OR51B5: variants seen among roughly 807,000 people sequenced by gnomAD.
The protein encoded by OR51B5 is olfactory receptor 51B5.
For missense variants in OR51B5, 456 were observed against 374.6 expected (o/e 1.22, Z -1.79); for synonymous variants, 186 against 144.8 (o/e 1.28, Z -2.04).
rs1851169076 is a variant in OR51B5, at chr11:5,468,337, C to T, written n.84+37232G>A. 1.6e-5 allele frequency: 3 copies of T among 192,898 alleles called. No homozygotes were observed. The South Asian group carries it at 2.9e-4, about 19-fold the overall frequency. 11.9% of individuals were successfully genotyped at this position (192,898 alleles called of 1,614,324 possible). ...TGATGTTTTGCGTTACAAGTTGTAG[C>T]CTGGCTAACCCATATAACTTCTGGC... On this transcript the variant is annotated intron_variant and non_coding_transcript_variant, in intron 1 of 4. Coordinates refer to the OR51B5 transcript ENST00000415970.
At chr11:5,366,562 T>TCG (rs1849370793) in intron 1 of OR51B5, among the ~76,000 whole-genome samples, 1 of 150,880 alleles carries the variant, frequency 6.6e-6, no homozygotes, top group East Asian at 2.0e-4. Context: ...TGAGCCGAGA[T>TCG]CGCGCCATTG....
rs528695415 is a variant in OR51B5 at position 5,457,276 on chromosome 11, T to G, written n.84+48293A>C. Among the ~76,000 whole-genome samples the G allele has an allele frequency of 3.3e-5, 5 of 152,360 alleles. No homozygotes were observed. In the East Asian group the frequency reaches 9.6e-4, roughly 29 times the overall value. On this transcript the variant is annotated intron_variant and non_coding_transcript_variant, in intron 1 of 4. Transcript: ENST00000415970. ...CATTAATTCACCTAGGATAATGGCC[T>G]CAAGCCGCATCCATGTAGCTGCAAA...
chr11:5,498,984 C>T (rs1027362601), intron 1 of OR51B5, among the ~76,000 whole-genome samples: 1 of 152,144 alleles, frequency 6.6e-6, no homozygotes, highest in African/African-American at 2.4e-5. Context: ...ATAGATTGTC[C>T]CACAGGTCAG....
chr11:5,355,960 A>G (rs1375081615), intron 1 of OR51B5, among the ~76,000 whole-genome samples: 3 of 152,260 alleles, frequency 2.0e-5, no homozygotes, highest in African/African-American at 7.2e-5. Flanking sequence ...GGACATCCAC[A>G]CCAAAAACCC....
At chr11:5,440,876 T>A (rs1187726215) in intron 1 of OR51B5, 3 of 1,613,770 alleles carry the variant, frequency 1.9e-6, no homozygotes, top group Non-Finnish European at 1.7e-6. Context: ...GGATGAAAGT[T>A]GAGTCCATAC....
intron 1 of OR51B5, among the ~76,000 whole-genome samples, chr11:5,473,915 C>T (rs114669838): frequency 0.014 from 2,143 of 150,988 alleles, 53 homozygotes; most frequent in African/African-American, 0.049. Flanking sequence ...AGAGTGTGCA[C>T]GGGAAAGTAC....
intron 1 of OR51B5, among the ~76,000 whole-genome samples, chr11:5,464,380 T>C (rs2133795873): frequency 6.6e-6 from 1 of 152,092 alleles, no homozygotes; most frequent in East Asian, 1.9e-4. Context: ...GCTGGTGCGC[T>C]GCACCCACTA....
chr11:5,492,942 CTT>C (rs1286543626), intron 1 of OR51B5, among the ~76,000 whole-genome samples: 3 of 152,122 alleles, frequency 2.0e-5, no homozygotes, highest in Admixed American at 1.3e-4. Context: ...GCCAGACTCT[CTT>C]TGTTATTTGC....
At chr11:5,494,242 T>C (rs1198434493) in intron 1 of OR51B5, among the ~76,000 whole-genome samples, 3 of 152,230 alleles carry the variant, frequency 2.0e-5, no homozygotes, top group Non-Finnish European at 4.4e-5. Context: ...TAACAATTAT[T>C]CAGAACCACG....
At chr11:5,352,797 C>T (rs1849120921) in intron 1 of OR51B5, among the ~76,000 whole-genome samples, 1 of 147,062 alleles carries the variant, frequency 6.8e-6, no homozygotes, top group Non-Finnish European at 1.5e-5. Context: ...TACCCATACA[C>T]TATTATATAT....
intron 1 of OR51B5, among the ~76,000 whole-genome samples, chr11:5,469,886 T>G (rs1163052562): frequency 6.6e-6 from 1 of 152,154 alleles, no homozygotes; most frequent in Non-Finnish European, 1.5e-5. Context: ...ACATCTTTTG[T>G]GTATATTCTA....
At chr11:5,372,817 C>G (rs766794130) in intron 1 of OR51B5, among the ~76,000 whole-genome samples, 1 of 152,052 alleles carries the variant, frequency 6.6e-6, no homozygotes, top group Non-Finnish European at 1.5e-5. Flanking sequence ...TTACAGAAAA[C>G]AATTTGAAAA....
chr11:5,344,764 A>G (rs1319072048), upstream of OR51B5, among the ~76,000 whole-genome samples: 1 of 152,256 alleles, frequency 6.6e-6, no homozygotes, highest in East Asian at 1.9e-4. Flanking sequence ...GTAATAAGAC[A>G]AAGTCCCTAA....
At chr11:5,450,127 A>G (rs1175748639) in intron 1 of OR51B5, among the ~76,000 whole-genome samples, 1 of 152,026 alleles carries the variant, frequency 6.6e-6, no homozygotes, top group Non-Finnish European at 1.5e-5. Flanking sequence ...GGTGGCTCAT[A>G]CCTGTAATCC....
At chr11:5,486,403 G>A (rs1485060803) in intron 1 of OR51B5, among the ~76,000 whole-genome samples, 1 of 68,518 alleles carries the variant, frequency 1.5e-5, no homozygotes, top group Non-Finnish European at 2.9e-5. Context: ...CACAGTGACT[G>A]GTCCATGGTA....
At chr11:5,458,011 G>C (rs942168537) in intron 1 of OR51B5, among the ~76,000 whole-genome samples, 1 of 152,072 alleles carries the variant, frequency 6.6e-6, no homozygotes, top group African/African-American at 2.4e-5. Context: ...AACGGCTTTT[G>C]GAGATTTCAT....
At chr11:5,466,585 T>C (rs1163737302) in intron 1 of OR51B5, among the ~76,000 whole-genome samples, 2 of 152,256 alleles carry the variant, frequency 1.3e-5, no homozygotes, top group Non-Finnish European at 2.9e-5. Context: ...TGGATTCATC[T>C]TTGTCATTGA....
intron 1 of OR51B5, among the ~76,000 whole-genome samples, chr11:5,465,486 GC>G (rs1358928951): frequency 1.3e-5 from 2 of 151,852 alleles, no homozygotes; most frequent in African/African-American, 4.8e-5. Flanking sequence ...CCAAAAAAGA[GC>G]CCCCATCACC....
chr11:5,344,606 T>C (rs975845287), upstream of OR51B5, among the ~76,000 whole-genome samples: 5 of 152,216 alleles, frequency 3.3e-5, no homozygotes, highest in African/African-American at 9.6e-5. Context: ...TAGGGGCTTC[T>C]TGCATATAGA....
Sources: gnomAD v4.1 joint callset for allele counts (sites outside exome capture counted in the v4.1 genomes callset) on GRCh38, gnomAD v4.1.1 for gene constraint, MANE v1.5 for transcripts, NCBI Gene and HGNC (gene_info 2026-07-23, HGNC 2026-07-21) for gene names.